The following ITGAE variants were observed in gnomAD, a reference collection of about 807,000 sequenced individuals.
ITGAE encodes integrin alpha-E.
Under a neutral mutation model 136.5 loss-of-function variants are expected in ITGAE, and 99 were observed. That is an observed-to-expected ratio of 0.73 (90% CI 0.62 to 0.86). The LOEUF is 0.86. Ranked by LOEUF, ITGAE falls within the 40% of genes least tolerant of loss-of-function variation. ITGAE has a pLI of 0.00. For synonymous variants in ITGAE, 613 were observed against 591.8 expected (o/e 1.04, Z -0.52); for missense variants, 1,447 against 1,515.3 (o/e 0.95, Z 0.75).
At position 3,763,862 on chromosome 17, in the gene ITGAE, G is replaced by T; in HGVS notation, c.247+7C>A. The T allele has an allele frequency of 6.2e-7, 1 of 1,611,278 alleles. No homozygotes were observed. Among genetic ancestry groups the T allele is most frequent in the South Asian group, 1.1e-5 (1 of 91,030 alleles). On this transcript the variant is annotated splice_region_variant and intron_variant, in intron 3 of 30. Coordinates refer to ENST00000263087, the MANE Select transcript of ITGAE (RefSeq NM_002208.5). ...GGGAGCATTCCCTGGAGTTGGGGCTGACTTACCTACAGGATGGCAAAGGAT... is the reference window on the plus strand; with the variant it reads ...GGGAGCATTCCCTGGAGTTGGGGCTTACTTACCTACAGGATGGCAAAGGAT...
chr17:3,742,065 G>A (rs913627420), intron 19 of ITGAE, among the ~76,000 whole-genome samples: 20 of 152,192 alleles, frequency 1.3e-4, no homozygotes, highest in Non-Finnish European at 1.9e-4. Flanking sequence ...CAACAAGGGC[G>A]AAACTCTGTC....
intron 1 of ITGAE, among the ~76,000 whole-genome samples, chr17:3,786,907 A>AG (rs1372937805): frequency 6.6e-6 from 1 of 151,544 alleles, no homozygotes; most frequent in African/African-American, 2.4e-5. Flanking sequence ...AAAAAAAAAA[A>AG]AAGCATGATA....
intron 2 of ITGAE, among the ~76,000 whole-genome samples, chr17:3,764,976 C>G (rs2052259682): frequency 1.3e-5 from 2 of 152,104 alleles, no homozygotes; most frequent in Admixed American, 6.6e-5. Context: ...TGAACCAAGT[C>G]CAAGGTCTTT....
chr17:3,732,252 C>T (rs1477993697), intron 22 of ITGAE, 116 bp downstream of exon 22: 4 of 797,124 alleles, frequency 5.0e-6, no homozygotes, highest in Non-Finnish European at 8.8e-6. Context: ...CTGCTGGGGA[C>T]ACACTGCAGT....
chr17:3,755,955 G>C (rs2052010766), intron 10 of ITGAE, 58 bp from the exon 11 acceptor site: 1 of 1,508,570 alleles, frequency 6.6e-7, no homozygotes, highest in African/African-American at 1.4e-5. Context: ...GAGAAACTGA[G>C]TCAGGGGACA....
At chr17:3,720,512 T>C (rs2915562) in intron 28 of ITGAE, 110 bp from the exon 29 acceptor site, 2 of 636,402 alleles carry the variant, frequency 3.1e-6, no homozygotes, top group Non-Finnish European at 5.7e-6. Context: ...CTGGGCTTAG[T>C]TAATGGCCCT....
intron 30 of ITGAE, 89 bp downstream of exon 30, chr17:3,716,599 C>G (rs1158586002): frequency 2.6e-6 from 2 of 782,084 alleles, no homozygotes; most frequent in South Asian, 1.6e-5. Flanking sequence ...GGCAGCTGCT[C>G]TAAGTCAGAG....
chr17:3,777,664 T>A lies in ITGAE; in HGVS notation c.35-4A>T. ...AAAGCGGCCAGCAGGGCCAGGCCTG[T>A]AGGGAAAAGAGGAGCGTTTAATGAA... On this transcript the variant is annotated splice_polypyrimidine_tract_variant and splice_region_variant and intron_variant, in intron 1 of 30. Coordinates refer to ENST00000263087, the MANE Select transcript of ITGAE (RefSeq NM_002208.5). 1 of 1,606,782 alleles carries A rather than the reference T, an allele frequency of 6.2e-7. No individual in the cohort carries two copies. The highest frequency in any genetic ancestry group is 8.5e-7 in the Non-Finnish European group (1 of 1,176,636).
intron 17 of ITGAE, 21 bp downstream of exon 17, chr17:3,747,901 T>C (rs762651038): frequency 1.4e-6 from 2 of 1,450,456 alleles, no homozygotes; most frequent in Non-Finnish European, 9.2e-7. Flanking sequence ...CAGGCAGGGG[T>C]CAGCTGGACC....
rs1239033709 is a variant in ITGAE, at chr17:3,756,989, A to G, written c.1166T>C (p.Met389Thr). The G allele has an allele frequency of 2.5e-6, 4 of 1,613,372 alleles. No individual in the cohort carries two copies. Among genetic ancestry groups the G allele is most frequent in the Non-Finnish European group, 3.4e-6 (4 of 1,179,646 alleles). ...LSKLRYNIIS[M>T]EGTVGDALHY... is the part of the protein sequence containing the mutation. ...CTGGGTCCCGGAGCCCTCACCTTCC[A>G]TGCTGATGATGTTGTACCGCAGTTT... is the stretch of plus-strand genomic sequence containing the variant. Residue 389 changes from methionine to threonine, a missense_variant, in exon 10 of 31, where the codon ATG becomes ACG. Physicochemically the swap from Met to Thr is moderately conservative, Grantham distance 81 (BLOSUM62 -1). This residue lies in a region of ITGAE where 1,031 missense variants were observed against 1,011.4 expected (regional missense o/e 1.02). Coordinates refer to ENST00000263087, the MANE Select transcript of ITGAE (RefSeq NM_002208.5).
chr17:3,745,716 T>C (rs1458691733), intron 18 of ITGAE, 48 bp downstream of exon 18: 3 of 1,580,588 alleles, frequency 1.9e-6, no homozygotes, highest in Non-Finnish European at 2.6e-6. Flanking sequence ...AAATCCTTTC[T>C]CAATGACAAA....
chr17:3,720,685 C>T (rs551444586), intron 28 of ITGAE: 6 of 241,076 alleles, frequency 2.5e-5, no homozygotes, highest in Admixed American at 2.3e-4. Flanking sequence ...CAGGTTCAAG[C>T]GATTCTCCTG....
At chr17:3,747,654 A>G (rs542234108) in intron 17 of ITGAE, among the ~76,000 whole-genome samples, 1 of 152,092 alleles carries the variant, frequency 6.6e-6, no homozygotes, top group South Asian at 2.1e-4. Context: ...ACCCTGAGGA[A>G]GGGCCCCAGT....
chr17:3,765,676 C>G (rs902060518), intron 2 of ITGAE, among the ~76,000 whole-genome samples: 2 of 152,142 alleles, frequency 1.3e-5, no homozygotes, highest in Non-Finnish European at 2.9e-5. Flanking sequence ...TCATCTTCCT[C>G]AACCTCTCAG....
intron 26 of ITGAE, chr17:3,724,303 CGCA>C (rs1567756262): frequency 6.3e-7 from 1 of 1,587,330 alleles, no homozygotes; most frequent in Non-Finnish European, 8.5e-7. Flanking sequence ...GCTCGGCCCC[CGCA>C]GAAGTGCAGC....
intron 8 of ITGAE, among the ~76,000 whole-genome samples, chr17:3,758,431 CATTTT>C (rs2052081660): frequency 1.3e-5 from 2 of 151,472 alleles, no homozygotes; most frequent in African/African-American, 2.4e-5. Context: ...TTATTATTCT[CATTTT>C]ATTTATTTAT....
chr17:3,715,399 C>T (rs563247245), intron 30 of ITGAE, among the ~76,000 whole-genome samples: 1 of 152,100 alleles, frequency 6.6e-6, no homozygotes, highest in Admixed American at 6.6e-5. Context: ...AGGGAGCTCA[C>T]AGCAAACACA....
intron 17 of ITGAE, among the ~76,000 whole-genome samples, chr17:3,746,358 C>G (rs1002757206): frequency 1.3e-5 from 2 of 152,216 alleles, no homozygotes; most frequent in Non-Finnish European, 2.9e-5. Context: ...AGAACAGAAC[C>G]AGCTCAGCTA....
At chr17:3,755,026 C>G (rs1465171693) in intron 12 of ITGAE, 91 bp downstream of exon 12, 25 of 1,259,434 alleles carry the variant, frequency 2.0e-5, no homozygotes, top group South Asian at 8.9e-5. Flanking sequence ...CCCTCGCCCA[C>G]GTAGCCCTCA....
Sources: gnomAD v4.1 joint callset for allele counts (sites outside exome capture counted in the v4.1 genomes callset) on GRCh38, gnomAD v4.1.1 for gene constraint, gnomAD v4.1.1 regional missense constraint, MANE v1.5 for transcripts, NCBI Gene and HGNC (gene_info 2026-07-23, HGNC 2026-07-21) for gene names.